Variants in DRC3 observed in about 807,000 individuals in gnomAD.
DRC3 encodes the protein dynein regulatory complex subunit 3.
In DRC3, 45 loss-of-function variants were observed where a neutral mutation model predicts 57.6. The ratio of observed to expected loss-of-function variants is 0.78; its 90% CI spans 0.62 to 1.00. DRC3 has a LOEUF of 1.00. Among genes scored for constraint, DRC3 ranks in the 50% least tolerant of loss-of-function variants. The pLI is 0.00. For missense variants in DRC3, 655 were observed against 675.2 expected (o/e 0.97, Z 0.33); for synonymous variants, 257 against 272.3 (o/e 0.94, Z 0.55).
At position 17,993,055 on chromosome 17, in the gene DRC3, CCTGA is replaced by C. The variant is rs1167778777; in HGVS notation, c.591+147_591+150del. ...CAGCTCCCTCTTCCTAATCCCTTTA[CCTGA>C]CTCTGTCAGAGTGATTCCAGCAGCA... is the stretch of plus-strand genomic sequence containing the variant. On this transcript the variant is annotated intron_variant, in intron 6 of 13. Transcript: ENST00000399187. 3 of 827,046 alleles carry C rather than the reference CCTGA, an allele frequency of 3.6e-6. No homozygotes were observed. The African/African-American group carries it at 5.1e-5, about 14-fold the overall frequency. The allele number at this position is 827,046 out of a possible 1,614,324, so 51.2% of individuals were successfully genotyped here. A position where few individuals can be genotyped will look rare whatever the true frequency, so the allele number is the denominator to read the frequency against.
At chr17:18,015,663 C>T (rs1465320709) in intron 12 of DRC3, 2 of 182,336 alleles carry the variant, frequency 1.1e-5, no homozygotes, top group East Asian at 2.7e-4. Flanking sequence ...TCGAGACCCT[C>T]AGCCAGCCTC....
chr17:18,011,403 C>CA (rs1236676411), intron 12 of DRC3: 1 of 302,412 alleles, frequency 3.3e-6, no homozygotes, highest in African/African-American at 2.3e-5. Context: ...CCACTGCTGT[C>CA]AGAGGGATCA....
intron 12 of DRC3, chr17:18,011,066 T>G (rs2044151366): frequency 1.4e-5 from 3 of 209,324 alleles, no homozygotes; most frequent in Non-Finnish European, 2.9e-5. Flanking sequence ...CAAGTGATTC[T>G]CCTGCCTCAG....
chr17:17,973,193 A>G (rs1425524204), intron 1 of DRC3: 2 of 151,192 alleles, frequency 1.3e-5, no homozygotes, highest in Non-Finnish European at 2.9e-5. Flanking sequence ...AAAAAAAAAA[A>G]TACTAAGGAA....
At chr17:18,005,613 CTCTG>C (rs1351216866) in intron 10 of DRC3, 1 of 153,388 alleles carries the variant, frequency 6.5e-6, no homozygotes, top group Non-Finnish European at 1.5e-5. Context: ...AGGGCCTCCT[CTCTG>C]TCAGGCACCT....
intron 9 of DRC3, among the ~76,000 whole-genome samples, chr17:17,998,124 A>G (rs966580902): frequency 6.6e-6 from 1 of 151,916 alleles, no homozygotes; most frequent in African/African-American, 2.4e-5. Context: ...CCCACCCCTC[A>G]CCTGAGCAAG....
At chr17:17,977,842 T>C (rs1479040441) in intron 3 of DRC3, 84 bp downstream of exon 3, 1 of 1,429,698 alleles carries the variant, frequency 7.0e-7, no homozygotes, top group East Asian at 2.4e-5. Flanking sequence ...CAGGATTCCA[T>C]GCAAAGTCCA....
Position 17,995,064 on chromosome 17 carries a change from G to A in DRC3, c.777G>A (p.Glu259=), listed in dbSNP as rs774591992. 1 of 1,613,954 alleles carries A rather than the reference G, an allele frequency of 6.2e-7. No individual in the cohort carries two copies. The highest frequency in any genetic ancestry group is 8.5e-7 in the Non-Finnish European group (1 of 1,179,840). ...LFDSMYAEDS[E]GNNLSYLPGV... ...ACAGCATGTACGCTGAGGACTCAGA[G>A]GGCAACAATCTGTCCTACCTGCCTG... The change falls in exon 8 of 14, where the codon GAG becomes GAA. Residue 259 remains glutamate, a synonymous_variant. Transcript: ENST00000399187.
chr17:17,977,783 G>T (rs781071591), intron 3 of DRC3, 25 bp downstream of exon 3: 3 of 1,548,324 alleles, frequency 1.9e-6, no homozygotes, highest in Non-Finnish European at 1.7e-6. Context: ...TTCAGGGGTG[G>T]TGGCCAGGGT....
At chr17:17,993,176 T>C in intron 6 of DRC3, 1 of 336,126 alleles carries the variant, frequency 3.0e-6, no homozygotes, top group Non-Finnish European at 5.4e-6. Flanking sequence ...CTGCACTGTC[T>C]AGTTTTCCAG....
rs190717076 is a variant in DRC3, at chr17:18,016,750, G to C, written c.*79G>C. ...AGAAGGAAGTGCACACGCCTCACCC[G>C]CACCTCTAGAGAGTTGCTGGGCATC... On this transcript the variant is annotated 3_prime_UTR_variant, in exon 14 of 14. Coordinates refer to ENST00000399187, the MANE Select transcript of DRC3 (RefSeq NM_031294.4). 5.5e-5 allele frequency: 47 copies of C among 855,746 alleles called. 1 individual carries two copies. Among genetic ancestry groups the C allele is most frequent in the Middle Eastern group, 2.5e-4 (1 of 4,032 alleles). 53.0% of individuals were successfully genotyped at this position (855,746 alleles called of 1,614,324 possible).
intron 2 of DRC3, among the ~76,000 whole-genome samples, chr17:17,975,461 C>T (rs1216163076): frequency 3.9e-5 from 6 of 151,920 alleles, no homozygotes; most frequent in Admixed American, 1.3e-4. Flanking sequence ...CCGCCCACCT[C>T]GGCCTCCCAA....
At chr17:17,991,671 A>C (rs2043239442) in intron 5 of DRC3, among the ~76,000 whole-genome samples, 1 of 152,142 alleles carries the variant, frequency 6.6e-6, no homozygotes, top group African/African-American at 2.4e-5. Context: ...GCACCAATCT[A>C]ATATTAACTA....
intron 5 of DRC3, among the ~76,000 whole-genome samples, chr17:17,990,423 C>T (rs1056719941): frequency 6.6e-6 from 1 of 152,254 alleles, no homozygotes; most frequent in East Asian, 1.9e-4. Context: ...GCCCTCTCCC[C>T]GCATTCTGCA....
At chr17:17,995,172 C>A in intron 8 of DRC3, 61 bp downstream of exon 8, 1 of 1,206,230 alleles carries the variant, frequency 8.3e-7, no homozygotes, top group Non-Finnish European at 1.2e-6. Flanking sequence ...TTGGCAAGGC[C>A]CCTTCCGCTC....
chr17:17,987,214 CAAAAAAAA>C (rs1046062123), intron 4 of DRC3, among the ~76,000 whole-genome samples: 12 of 45,202 alleles, frequency 2.7e-4, no homozygotes, highest in Admixed American at 5.6e-4. Context: ...GACCCTGTCT[CAAAAAAAA>C]AAAAAAAAAA....
chr17:17,984,094 A>G, intron 4 of DRC3, 150 bp downstream of exon 4: 1 of 580,308 alleles, frequency 1.7e-6, no homozygotes, highest in Admixed American at 3.2e-5. Context: ...TGCTGGGAGC[A>G]AGAAAGCTGC....
At chr17:17,975,768 G>A (rs997834864) in intron 2 of DRC3, among the ~76,000 whole-genome samples, 3 of 152,194 alleles carry the variant, frequency 2.0e-5, no homozygotes, top group African/African-American at 7.2e-5. Flanking sequence ...GGTCTTGGGA[G>A]GACGGAAGGC....
At position 17,994,347 on chromosome 17, in the gene DRC3, C is replaced by T. The variant is rs1189390976; in HGVS notation, c.640C>T (p.His214Tyr). ...CCAGTACAGCATCGACGAGCTGAAG[C>T]ACCAGGAGAACCTGATGCAGGCCCA... is the stretch of plus-strand genomic sequence containing the variant. ...KHQYSIDELK[H>Y]QENLMQAQLE... is the part of the protein sequence containing the mutation. The change falls in exon 7 of 14, where the codon CAC (histidine) becomes TAC (tyrosine). Residue 214 changes from histidine (H) to tyrosine (Y), a missense_variant. By Grantham distance (83) the His-to-Tyr change is moderately conservative (BLOSUM62 2). Coordinates refer to ENST00000399187, the MANE Select transcript of DRC3 (RefSeq NM_031294.4). 5 of 1,555,052 alleles carry T rather than the reference C, an allele frequency of 3.2e-6. No homozygotes were observed. Among genetic ancestry groups the T allele is most frequent in the Non-Finnish European group, 4.4e-6 (5 of 1,149,200 alleles).
Sources: allele counts gnomAD v4.1 joint callset (sites outside exome capture counted in the v4.1 genomes callset), GRCh38; gene constraint gnomAD v4.1.1; transcripts MANE v1.5; gene names NCBI Gene and HGNC (gene_info 2026-07-23, HGNC 2026-07-21).